The following AHCTF1 variants were observed in gnomAD, a reference collection of about 807,000 sequenced individuals.
The protein encoded by AHCTF1 is AT-hook containing transcription factor 1.
In AHCTF1, 24 loss-of-function variants were observed where a neutral mutation model predicts 248.4. The observed-to-expected ratio is 0.10, with a 90% confidence interval of 0.07 to 0.14. The LOEUF is 0.14. AHCTF1 is among the 10% of genes least tolerant of loss of function. The probability of loss-of-function intolerance (pLI) is 1.00; values close to 1 mark genes in which losing one functional copy is unlikely to be tolerated. For missense variants in AHCTF1, 2,206 were observed against 2,636.2 expected (o/e 0.84, Z 3.57); for synonymous variants, 786 against 929.8 (o/e 0.85, Z 2.81).
intron 26 of AHCTF1, chr1:246,864,332 TTTA>T (rs1337763574): frequency 2.2e-6 from 1 of 464,632 alleles, no homozygotes; most frequent in Non-Finnish European, 3.7e-6. Flanking sequence ...GCAACTGATT[TTTA>T]AAAAGAGTTT....
intron 1 of AHCTF1, chr1:246,931,010 A>C: frequency 7.3e-7 from 1 of 1,370,044 alleles, no homozygotes; most frequent in Non-Finnish European, 9.7e-7. Flanking sequence ...AGGAAAAAGG[A>C]AGGCAAAGCA....
intron 24 of AHCTF1, 88 bp from the exon 25 acceptor site, chr1:246,867,899 C>CG (rs1002448064): frequency 3.6e-6 from 2 of 557,388 alleles, no homozygotes; most frequent in African/African-American, 4.8e-5. Flanking sequence ...ACACCCCCCC[C>CG]CCCACACACA....
At position 246,895,501 on chromosome 1, in the gene AHCTF1, T is replaced by C. The variant is rs141282276; in HGVS notation, c.1714+334A>G. 6.2e-4 allele frequency among the ~76,000 whole-genome samples: 95 copies of C among 152,192 alleles called. No homozygotes were observed. In the East Asian group the frequency reaches 0.018, roughly 28 times the overall value. ...GAATTTTGCTGAGTAAAAAAGGTAA[T>C]CCAAAAAGGTTACATACTGCATAAT... is the stretch of plus-strand genomic sequence containing the variant. On this transcript the variant is annotated intron_variant, in intron 13 of 35. Transcript: ENST00000648844.
intron 4 of AHCTF1, among the ~76,000 whole-genome samples, chr1:246,909,247 T>TAA (rs34089730): frequency 0.016 from 1,718 of 109,024 alleles, 97 homozygotes; most frequent in Admixed American, 0.11. Context: ...TCGGCTCTAC[T>TAA]AAAAAAAAAA....
At chr1:246,875,042 TA>T (rs1249756367) in intron 24 of AHCTF1, among the ~76,000 whole-genome samples, 1 of 82,776 alleles carries the variant, frequency 1.2e-5, no homozygotes, top group African/African-American at 4.8e-5. Flanking sequence ...GCCAACAACT[TA>T]TATTATAGAT....
At position 246,903,930 on chromosome 1, in the gene AHCTF1, T is replaced by C. The variant is rs374026609; in HGVS notation, c.966+19A>G. 27 of 1,570,856 alleles carry C rather than the reference T, an allele frequency of 1.7e-5. No homozygotes were observed. The highest frequency in any genetic ancestry group is 1.7e-4 in the Middle Eastern group (1 of 5,994). ...ACAACAAAATGGTAATATAAACCCA[T>C]AGTCCAATGACCATTTACCTCATAT... On this transcript the variant is annotated intron_variant, in intron 7 of 35. Coordinates refer to ENST00000648844, the MANE Select transcript of AHCTF1 (RefSeq NM_001323342.2).
Position 246,840,894 on chromosome 1 carries a change from G to A in AHCTF1, c.6713C>T (p.Thr2238Ile), listed in dbSNP as rs1187833869. Residue 2238 changes from threonine (T) to isoleucine (I), a missense_variant, in exon 36 of 36, where the codon ACT becomes ATT. Coordinates refer to ENST00000648844, the MANE Select transcript of AHCTF1 (RefSeq NM_001323342.2). ...ADGVKSKPRK[T>I]TEVTGTGLGR... ...AAGACCTGTTCCTGTCACTTCTGTA[G>A]TTTTTCTTGGTTTGCTCTTGACTCC... The A allele has an allele frequency of 1.2e-6, 2 of 1,613,532 alleles. No homozygotes were observed. Among genetic ancestry groups the A allele is most frequent in the African/African-American group, 2.7e-5 (2 of 74,880 alleles).
intron 27 of AHCTF1, among the ~76,000 whole-genome samples, chr1:246,863,373 TAA>T (rs1005059463): frequency 7.4e-6 from 1 of 135,016 alleles, no homozygotes; most frequent in African/African-American, 2.7e-5. Flanking sequence ...ATAGTATGTT[TAA>T]AAAAAAAAAA....
At chr1:246,926,970 C>T (rs748071561) in intron 1 of AHCTF1, among the ~76,000 whole-genome samples, 68 of 151,518 alleles carry the variant, frequency 4.5e-4, no homozygotes, top group Non-Finnish European at 7.7e-4. Context: ...GTCAGGAGAT[C>T]GAGACCATCC....
chr1:246,876,126 T>G lies in AHCTF1; in HGVS notation c.2999A>C (p.Tyr1000Ser). ...ATGGACTCTAGGAAGGATTTTTCCA[T>G]ACTGGTCTAATATAGAATTTCGAGC... ...SLARNSILDQ[Y>S]GKILPRVHRK... The change falls in exon 24 of 36, where the codon TAT becomes TCT. Residue 1000 changes from tyrosine (Y) to serine (S), a missense_variant. Tyr to Ser is a moderately radical substitution (Grantham distance 144). This residue lies in a region of AHCTF1 where 955 missense variants were observed against 1,055.6 expected (regional missense o/e 0.90). Coordinates refer to ENST00000648844, the MANE Select transcript of AHCTF1 (RefSeq NM_001323342.2). The G allele has an allele frequency of 6.2e-7, 1 of 1,609,636 alleles. No homozygotes were observed. The highest frequency in any genetic ancestry group is 8.5e-7 in the Non-Finnish European group (1 of 1,178,372).
chr1:246,882,123 G>C lies in AHCTF1; in HGVS notation c.2660+3370C>G, dbSNP rs571781121. ...CGCCATTCTCCTGCCTCAGCCTCCT[G>C]AGTAGCTGGGACTACAGGCGTGCAC... On this transcript the variant is annotated intron_variant, in intron 21 of 35. Coordinates refer to ENST00000648844, the MANE Select transcript of AHCTF1 (RefSeq NM_001323342.2). Among the ~76,000 whole-genome samples, 577 of 151,478 alleles carry C rather than the reference G, an allele frequency of 3.8e-3. 5 individuals carry two copies. The highest frequency in any genetic ancestry group is 0.013 in the African/African-American group (550 of 41,290).
In AHCTF1 at chr1:246,891,795, T is replaced by G. The variant is rs769396623; in HGVS notation, c.1929A>C (p.Arg643=). 1.9e-6 allele frequency: 3 copies of G among 1,611,386 alleles called. No homozygotes were observed. The African/African-American group carries it at 4.0e-5, about 22-fold the overall frequency. Reference sequence around the variant, plus strand: ...AGAGCGTACCTCTCTCAGTGATCTCTCGGGCTTCTGATGCAAAACAGCTCA... The same window carrying G: ...AGAGCGTACCTCTCTCAGTGATCTCGCGGGCTTCTGATGCAAAACAGCTCA... ...IVLSCFASEA[R]EITERGLIDL... is the part of the protein sequence containing the mutation. Residue 643 remains arginine, a synonymous_variant, in exon 15 of 36, where the codon CGA becomes CGC. Transcript: ENST00000648844.
At chr1:246,900,867 T>C (rs1277611983) in intron 8 of AHCTF1, among the ~76,000 whole-genome samples, 1 of 152,128 alleles carries the variant, frequency 6.6e-6, no homozygotes, top group Non-Finnish European at 1.5e-5. Flanking sequence ...TAAGGCTTTA[T>C]TATGATGAAC....
chr1:246,857,695 C>T lies in AHCTF1; in HGVS notation c.4252G>A (p.Glu1418Lys). ...AATTTCTCTCCATTAACTTACCCTTCATAGACTGATGGTGCACAAAGAGAA... is the reference window on the plus strand; with the variant it reads ...AATTTCTCTCCATTAACTTACCCTTTATAGACTGATGGTGCACAAAGAGAA... ...EASLCAPSVY[E>K]GKIFTQKSKV... is the part of the protein sequence containing the mutation. Residue 1418 changes from glutamate to lysine, a missense_variant, in exon 30 of 36, where the codon GAA becomes AAA. This residue lies in a region of AHCTF1 where 955 missense variants were observed against 1,055.6 expected (regional missense o/e 0.90). Coordinates refer to ENST00000648844, the MANE Select transcript of AHCTF1 (RefSeq NM_001323342.2). 6.2e-7 allele frequency: 1 copy of T among 1,611,282 alleles called. No homozygotes were observed.
intron 24 of AHCTF1, among the ~76,000 whole-genome samples, chr1:246,869,227 T>C (rs1190177702): frequency 6.6e-6 from 1 of 152,120 alleles, no homozygotes; most frequent in Non-Finnish European, 1.5e-5. Context: ...TCCAACAGCG[T>C]GTACTTACTC....
chr1:246,863,227 T>C (rs1355395730), intron 27 of AHCTF1, among the ~76,000 whole-genome samples: 2 of 152,094 alleles, frequency 1.3e-5, no homozygotes, highest in African/African-American at 4.8e-5. Flanking sequence ...TTTATTCAAC[T>C]TGAAAAATAA....
rs1293860464 is a variant in AHCTF1 at position 246,867,900 on chromosome 1, C to CT, written c.3089-90_3089-89insA. The CT allele has an allele frequency of 1.9e-5, 10 of 532,526 alleles. 1 individual carries two copies. The African/African-American group carries it at 4.6e-4, about 25-fold the overall frequency. 33.0% of individuals were successfully genotyped at this position (532,526 alleles called of 1,614,324 possible). On this transcript the variant is annotated intron_variant, in intron 24 of 35. Transcript: ENST00000648844. ...ATGAAAGAATGATTACACCCCCCCC[C>CT]CCACACACACACACACACACATTAC... is the stretch of plus-strand genomic sequence containing the variant.
At chr1:246,885,070 C>T (rs184938859) in intron 21 of AHCTF1, among the ~76,000 whole-genome samples, 1 of 152,252 alleles carries the variant, frequency 6.6e-6, no homozygotes, top group East Asian at 1.9e-4. Context: ...TGGCGCCCCT[C>T]CCTTTTATTC....
chr1:246,853,939 C>G (rs536644053), intron 31 of AHCTF1, among the ~76,000 whole-genome samples: 2 of 152,106 alleles, frequency 1.3e-5, no homozygotes, highest in South Asian at 4.2e-4. Context: ...GACGAAAAAC[C>G]ACTTTACAGG....
Sources: gnomAD v4.1 joint callset for allele counts (sites outside exome capture counted in the v4.1 genomes callset) on GRCh38, gnomAD v4.1.1 for gene constraint, gnomAD v4.1.1 regional missense constraint, MANE v1.5 for transcripts, NCBI Gene and HGNC (gene_info 2026-07-23, HGNC 2026-07-21) for gene names.